ROCK2: variants seen among roughly 807,000 people sequenced by gnomAD.
The protein encoded by ROCK2 is rho-associated protein kinase 2.
ROCK2 carries 61 observed loss-of-function variants against 195.1 expected under a neutral mutation model. That is an observed-to-expected ratio of 0.31 (90% CI 0.25 to 0.39). The LOEUF (loss-of-function observed/expected upper bound fraction) is 0.39. Ranked by LOEUF, ROCK2 falls within the 10% of genes least tolerant of loss-of-function variation. The pLI is 1.00. For synonymous variants in ROCK2, 504 were observed against 545.5 expected (o/e 0.92, Z 1.06); for missense variants, 1,109 against 1,637.4 (o/e 0.68, Z 5.57).
intron 1 of ROCK2, among the ~76,000 whole-genome samples, chr2:11,311,978 C>T (rs1384271172): frequency 6.6e-6 from 1 of 152,114 alleles, no homozygotes; most frequent in Non-Finnish European, 1.5e-5. Flanking sequence ...TTTACTTCAA[C>T]AAATACAACA....
intron 11 of ROCK2, chr2:11,217,444 A>C: frequency 2.2e-6 from 1 of 463,404 alleles, no homozygotes; most frequent in South Asian, 1.8e-5. Flanking sequence ...TCTATGACAC[A>C]AAGTTTCAAA....
intron 4 of ROCK2, among the ~76,000 whole-genome samples, chr2:11,244,352 T>C (rs767853475): frequency 9.2e-5 from 14 of 152,188 alleles, no homozygotes; most frequent in Non-Finnish European, 1.9e-4. Context: ...GAAATGAGAT[T>C]GGCCATGGTT....
chr2:11,322,901 G>A (rs1668442839), intron 1 of ROCK2, among the ~76,000 whole-genome samples: 1 of 152,100 alleles, frequency 6.6e-6, no homozygotes, highest in Non-Finnish European at 1.5e-5. Context: ...GAGTTTTAAA[G>A]ATAAGTTCTT....
At chr2:11,307,459 G>A (rs576786542) in intron 1 of ROCK2, among the ~76,000 whole-genome samples, 67 of 152,186 alleles carry the variant, frequency 4.4e-4, no homozygotes, top group African/African-American at 1.4e-3. Context: ...GACTACAGGC[G>A]CATGCCACCA....
intron 3 of ROCK2, among the ~76,000 whole-genome samples, chr2:11,275,861 G>A (rs1156902128): frequency 6.6e-6 from 1 of 151,822 alleles, no homozygotes; most frequent in Non-Finnish European, 1.5e-5. Flanking sequence ...CACCACACTC[G>A]GCTAATTTTT....
chr2:11,200,876 G>T, intron 23 of ROCK2, 81 bp downstream of exon 23: 1 of 1,217,620 alleles, frequency 8.2e-7, no homozygotes, highest in Non-Finnish European at 1.1e-6. Context: ...ATTTAGATCT[G>T]TGATACTTAG....
At chr2:11,271,768 C>A (rs1005973585) in intron 3 of ROCK2, among the ~76,000 whole-genome samples, 1 of 152,158 alleles carries the variant, frequency 6.6e-6, no homozygotes, top group Non-Finnish European at 1.5e-5. Flanking sequence ...TGGCTCACGC[C>A]TGTAATCCCA....
intron 3 of ROCK2, among the ~76,000 whole-genome samples, chr2:11,267,241 A>T (rs772089547): frequency 6.6e-6 from 1 of 152,208 alleles, no homozygotes; most frequent in African/African-American, 2.4e-5. Flanking sequence ...CACTTTGACC[A>T]GGCTTATTTA....
intron 4 of ROCK2, among the ~76,000 whole-genome samples, chr2:11,247,999 G>T: frequency 6.6e-6 from 1 of 151,976 alleles, no homozygotes; most frequent in Non-Finnish European, 1.5e-5. Context: ...TCCAGCCTGG[G>T]TGACAGAGGG....
intron 1 of ROCK2, among the ~76,000 whole-genome samples, chr2:11,293,887 G>A (rs913814432): frequency 3.3e-5 from 5 of 152,080 alleles, no homozygotes; most frequent in Admixed American, 2.6e-4. Context: ...GGCCAGGCGC[G>A]GTGGCTCACA....
chr2:11,318,053 AAT>A (rs1668281232), intron 1 of ROCK2, among the ~76,000 whole-genome samples: 1 of 152,128 alleles, frequency 6.6e-6, no homozygotes, highest in Non-Finnish European at 1.5e-5. Context: ...TGCTATTGTG[AAT>A]AGTGCCGCAA....
At chr2:11,328,808 A>G (rs1668625456) in intron 1 of ROCK2, among the ~76,000 whole-genome samples, 1 of 151,972 alleles carries the variant, frequency 6.6e-6, no homozygotes, top group African/African-American at 2.4e-5. Flanking sequence ...TCAGTAAACT[A>G]TCGCAAGGAC....
At chr2:11,308,787 A>G in intron 1 of ROCK2, 2 of 1,612,402 alleles carry the variant, frequency 1.2e-6, no homozygotes, top group South Asian at 2.2e-5. Flanking sequence ...ACCAGCACCA[A>G]GTGTTTTGCT....
At chr2:11,204,776 T>A (rs762779381) in intron 20 of ROCK2, among the ~76,000 whole-genome samples, 11 of 152,338 alleles carry the variant, frequency 7.2e-5, no homozygotes, top group Middle Eastern at 3.4e-3. Flanking sequence ...GGAAGCAGTA[T>A]CTCCTGAAAT....
At position 11,344,039 on chromosome 2, in the gene ROCK2, A is replaced by T; in HGVS notation, c.98T>A (p.Leu33Gln). 1 of 1,587,148 alleles carries T rather than the reference A, an allele frequency of 6.3e-7. No individual in the cohort carries two copies. Among genetic ancestry groups the T allele is most frequent in the Non-Finnish European group, 8.6e-7 (1 of 1,168,262 alleles). ...GATGGGGGAGCGAGGGTCTCGGATCAGCGCCTCCAGCTTCCTCTGGCGGCT... is the reference window on the plus strand; with the variant it reads ...GATGGGGGAGCGAGGGTCTCGGATCTGCGCCTCCAGCTTCCTCTGGCGGCT... ...GASRQRKLEALIRDPRSPINV... is the reference protein window; with the variant it reads ...GASRQRKLEAQIRDPRSPINV... Residue 33 changes from leucine (L) to glutamine (Q), a missense_variant, in exon 1 of 33, where the codon CTG becomes CAG. This residue lies in a region of ROCK2 where 64 missense variants were observed against 62.4 expected (regional missense o/e 1.03). Transcript: ENST00000315872. The surrounding 1 kb of genome is among the most constrained non-coding windows in gnomAD (Gnocchi z 5.4).
chr2:11,248,436 G>A lies in ROCK2; in HGVS notation c.462+1225C>T, dbSNP rs147284183. Among the ~76,000 whole-genome samples the A allele has an allele frequency of 7.3e-3, 1,110 of 151,842 alleles. 5 individuals are homozygous for A. Among genetic ancestry groups the A allele is most frequent in the Non-Finnish European group, 0.011 (771 of 67,894 alleles). ...AGTAACGAAGGCAAAGGCCAGGTGC[G>A]GTGGCTCACATCTGTAATCCCAGCA... On this transcript the variant is annotated intron_variant, in intron 4 of 32. Coordinates refer to ENST00000315872, the MANE Select transcript of ROCK2 (RefSeq NM_004850.5).
In ROCK2 at chr2:11,198,788, G is replaced by A; in HGVS notation, c.2911-14C>T. ...AGTTTCCTCAAGCTAAGAAATGAAA[G>A]AGGAAAAAATAATCACATCCCAATT... On this transcript the variant is annotated splice_polypyrimidine_tract_variant and intron_variant, in intron 23 of 32. Transcript: ENST00000315872. 4 of 1,491,650 alleles carry A rather than the reference G, an allele frequency of 2.7e-6. No homozygotes were observed. The highest frequency in any genetic ancestry group is 3.7e-6 in the Non-Finnish European group (4 of 1,087,584). 92.4% of individuals were successfully genotyped at this position (1,491,650 alleles called of 1,614,324 possible).
chr2:11,220,964 T>C (rs573733587), intron 9 of ROCK2, among the ~76,000 whole-genome samples: 1 of 152,364 alleles, frequency 6.6e-6, no homozygotes, highest in East Asian at 1.9e-4. Context: ...AATAGGTATT[T>C]GTTTTTACTG....
In ROCK2 at chr2:11,343,858, G is replaced by C. The variant is rs1335576027; in HGVS notation, c.141+138C>G. Reference sequence around the variant, plus strand: ...TCGGTGACAGAATCGTTTGGTCTCCGGCCCCGGCTGCCGGAAGCAGGGCGG... The same window carrying C: ...TCGGTGACAGAATCGTTTGGTCTCCCGCCCCGGCTGCCGGAAGCAGGGCGG... On this transcript the variant is annotated intron_variant, in intron 1 of 32. Coordinates refer to ENST00000315872, the MANE Select transcript of ROCK2 (RefSeq NM_004850.5). 73 of 1,106,556 alleles carry C rather than the reference G, an allele frequency of 6.6e-5. No individual in the cohort carries two copies. The South Asian group carries it at 1.1e-3, about 17-fold the overall frequency. The allele number at this position is 1,106,556 out of a possible 1,614,324, so 68.5% of individuals were successfully genotyped here. A position where few individuals can be genotyped will look rare whatever the true frequency, so the allele number is the denominator to read the frequency against.
Sources: allele counts gnomAD v4.1 joint callset (sites outside exome capture counted in the v4.1 genomes callset), GRCh38; gene constraint gnomAD v4.1.1; regional missense constraint gnomAD v4.1.1; non-coding constraint Gnocchi (gnomAD v3.1); transcripts MANE v1.5; gene names NCBI Gene and HGNC (gene_info 2026-07-23, HGNC 2026-07-21).